The following MGAM variants were observed in gnomAD, a reference collection of about 807,000 sequenced individuals.
The protein encoded by MGAM is alpha-1,4-glucosidase.
Under a neutral mutation model 358.8 loss-of-function variants are expected in MGAM, and 253 were observed. The ratio of observed to expected loss-of-function variants is 0.71; its 90% CI spans 0.64 to 0.78. The LOEUF (loss-of-function observed/expected upper bound fraction) is 0.78. Ranked by LOEUF, MGAM falls within the 30% of genes least tolerant of loss-of-function variation. MGAM has a pLI of 0.00. For missense variants in MGAM, 3,080 were observed against 3,432.6 expected, an observed-to-expected ratio of 0.90 and a Z score of 2.57; for synonymous variants, 1,105 against 1,227.1, an observed-to-expected ratio of 0.90 and a Z score of 2.08.
intron 1 of MGAM, among the ~76,000 whole-genome samples, chr7:141,999,052 T>C (rs1804519773): frequency 6.6e-6 from 1 of 152,220 alleles, no homozygotes; most frequent in Admixed American, 6.5e-5. Context: ...TTATTGTCTC[T>C]TTTTTCTATT....
intron 13 of MGAM, 34 bp from the exon 14 acceptor site, chr7:142,032,791 T>C: frequency 1.5e-6 from 2 of 1,374,862 alleles, no homozygotes; most frequent in Non-Finnish European, 1.0e-6. Context: ...AACATGTTAC[T>C]TTTTCTTAAT....
At chr7:142,082,412 T>C in intron 51 of MGAM, 63 bp from the exon 52 acceptor site, 1 of 1,342,426 alleles carries the variant, frequency 7.4e-7, no homozygotes, top group South Asian at 1.3e-5. Context: ...ATATTTTTGT[T>C]GAGTTTCTTT....
In MGAM at chr7:142,094,264, A is replaced by G. The variant is rs139543489; in HGVS notation, c.7173-100A>G. 4.0e-3 allele frequency: 5,462 copies of G among 1,360,768 alleles called. 353 individuals carry two copies. The African/African-American group carries it at 0.064, about 16-fold the overall frequency. The allele number at this position is 1,360,768 out of a possible 1,614,324, so 84.3% of individuals were successfully genotyped here. On this transcript the variant is annotated intron_variant, in intron 60 of 70. Coordinates refer to ENST00000475668, the MANE Select transcript of MGAM (RefSeq NM_001365693.1). ...AGTCCCGTGTTCCCTCCAATCACGC[A>G]GCAAACATTGACTAGGCTCAAGGGC...
intron 7 of MGAM, among the ~76,000 whole-genome samples, chr7:142,024,565 C>G (rs1806779033): frequency 6.6e-6 from 1 of 152,172 alleles, no homozygotes; most frequent in Non-Finnish European, 1.5e-5. Flanking sequence ...ACAGCCATGT[C>G]TGCTTCTACC....
At position 142,032,813 on chromosome 7, in the gene MGAM, T is replaced by A. The variant is rs1554464291; in HGVS notation, c.1585-12T>A. 1 of 1,587,976 alleles carries A rather than the reference T, an allele frequency of 6.3e-7. No homozygotes were observed. Among genetic ancestry groups the A allele is most frequent in the African/African-American group, 1.4e-5 (1 of 73,964 alleles). ...TACTTTTTCTTAATAGTTTTTGCTC[T>A]TTGTCTTGTAGGATATGAATGAAGT... is the stretch of plus-strand genomic sequence containing the variant. On this transcript the variant is annotated splice_polypyrimidine_tract_variant and intron_variant, in intron 13 of 70. Transcript: ENST00000475668.
At chr7:142,010,444 G>T (rs1326952569) in intron 3 of MGAM, among the ~76,000 whole-genome samples, 1 of 151,916 alleles carries the variant, frequency 6.6e-6, no homozygotes, top group Non-Finnish European at 1.5e-5. Context: ...CAGAACTTCT[G>T]CTTGGCTCAT....
intron 3 of MGAM, among the ~76,000 whole-genome samples, chr7:142,011,148 T>A (rs1805562012): frequency 6.6e-6 from 1 of 152,174 alleles, no homozygotes; most frequent in Admixed American, 6.5e-5. Flanking sequence ...TTTCCAAGGA[T>A]AACAATAACA....
chr7:142,029,493 T>C (rs1807270326), intron 10 of MGAM, among the ~76,000 whole-genome samples: 1 of 152,168 alleles, frequency 6.6e-6, no homozygotes, highest in African/African-American at 2.4e-5. Context: ...TCCTTACTTA[T>C]AGATAGACAT....
Position 142,086,812 on chromosome 7 carries a change from C to T in MGAM, c.6810+95C>T, listed in dbSNP as rs182634723. On this transcript the variant is annotated intron_variant, in intron 57 of 70. Coordinates refer to ENST00000475668, the MANE Select transcript of MGAM (RefSeq NM_001365693.1). ...GACATGCCTGTACTGTGGACATGGG[C>T]TTGGCAAGGGAGAAACACTTAGGGC... is the stretch of plus-strand genomic sequence containing the variant. 56 of 597,168 alleles carry T rather than the reference C, an allele frequency of 9.4e-5. 13 individuals are homozygous for T. In the Middle Eastern group the frequency reaches 1.1e-3, roughly 12 times the overall value. 37.0% of individuals were successfully genotyped at this position (597,168 alleles called of 1,614,324 possible).
At position 142,040,731 on chromosome 7, in the gene MGAM, G is replaced by C; in HGVS notation, c.2383G>C (p.Val795Leu). The C allele has an allele frequency of 6.2e-7, 1 of 1,613,174 alleles. No homozygotes were observed. Among genetic ancestry groups the C allele is most frequent in the Non-Finnish European group, 8.5e-7 (1 of 1,179,508 alleles). ...TATCTGCATGCATCAGGGGAGCCAA[G>C]TGAGATGGAGGAAGCAAAAAGTCGA... ...VWYDYETGSQ[V>L]RWRKQKVEME... Residue 795 changes from valine to leucine, a missense_variant, in exon 21 of 71, where the codon GTG (valine) becomes CTG (leucine). Coordinates refer to ENST00000475668, the MANE Select transcript of MGAM (RefSeq NM_001365693.1).
chr7:142,022,584 T>TA, intron 7 of MGAM, 145 bp downstream of exon 7: 1 of 861,162 alleles, frequency 1.2e-6, no homozygotes, highest in South Asian at 2.1e-5. Context: ...ATTCACCAGT[T>TA]ACGTGGTTCT....
intron 1 of MGAM, among the ~76,000 whole-genome samples, chr7:142,000,938 A>T (rs1804684929): frequency 6.6e-6 from 1 of 152,226 alleles, no homozygotes; most frequent in Non-Finnish European, 1.5e-5. Flanking sequence ...TATTTTTATA[A>T]AAAGCAATCT....
chr7:142,098,691 C>T (rs1265055472), intron 66 of MGAM, among the ~76,000 whole-genome samples: 3 of 152,132 alleles, frequency 2.0e-5, no homozygotes, highest in Non-Finnish European at 4.4e-5. Flanking sequence ...AGGCGTTTCC[C>T]AGGAAGAGGT....
At position 142,025,167 on chromosome 7, in the gene MGAM, G is replaced by C. The variant is rs782617690; in HGVS notation, c.982+18G>C. 6.5e-7 allele frequency: 1 copy of C among 1,549,046 alleles called. No homozygotes were observed. The highest frequency in any genetic ancestry group is 8.9e-7 in the Non-Finnish European group (1 of 1,121,988). On this transcript the variant is annotated intron_variant, in intron 8 of 70. Coordinates refer to ENST00000475668, the MANE Select transcript of MGAM (RefSeq NM_001365693.1). Reference sequence around the variant, plus strand: ...TGCCATGGGTAAAGGAATATTCATGGAAAAAACAAGCACAAGAGTGATTTT... The same window carrying C: ...TGCCATGGGTAAAGGAATATTCATGCAAAAAACAAGCACAAGAGTGATTTT...
intron 1 of MGAM, among the ~76,000 whole-genome samples, chr7:142,000,490 A>ATTC (rs1804645159): frequency 6.6e-6 from 1 of 152,170 alleles, no homozygotes; most frequent in South Asian, 2.1e-4. Context: ...ATCTGTTGAA[A>ATTC]GTGAGTCACT....
chr7:142,038,710 A>T, intron 19 of MGAM, 95 bp downstream of exon 19: 7 of 851,876 alleles, frequency 8.2e-6, no homozygotes, highest in Non-Finnish European at 1.2e-5. Context: ...CTCACTTCTG[A>T]CATCTGTGAC....
Position 142,094,850 on chromosome 7 carries a change from C to T in MGAM, c.7445C>T (p.Thr2482Ile). 1 of 1,613,948 alleles carries T rather than the reference C, an allele frequency of 6.2e-7. No homozygotes were observed. Among genetic ancestry groups the T allele is most frequent in the Non-Finnish European group, 8.5e-7 (1 of 1,179,874 alleles). Residue 2482 changes from threonine (T) to isoleucine (I), a missense_variant, in exon 63 of 71, where the codon ACC becomes ATC. This residue lies in a region of MGAM where 932 missense variants were observed against 1,198.2 expected (regional missense o/e 0.78). Coordinates refer to ENST00000475668, the MANE Select transcript of MGAM (RefSeq NM_001365693.1). ...TACCCCTTCTCAAGAAACCACAACA[C>T]CATTGGGACCAGGGTAGGACAGTGG... ...AFYPFSRNHN[T>I]IGTRRQDPVS...
At position 142,083,382 on chromosome 7, in the gene MGAM, C is replaced by G; in HGVS notation, c.6350C>G (p.Thr2117Ser). 6.4e-7 allele frequency: 1 copy of G among 1,552,784 alleles called. No homozygotes were observed. Among genetic ancestry groups the G allele is most frequent in the Non-Finnish European group, 8.8e-7 (1 of 1,130,590 alleles). ...GACTTTTATGTGTTCTTGGGGCCAA[C>G]TCCAGAGCTTGTCACCCAGCAGTAC... ...VLDFYVFLGPTPELVTQQYTE... is the reference protein window; with the variant it reads ...VLDFYVFLGPSPELVTQQYTE... The change falls in exon 53 of 71, where the codon ACT becomes AGT. Residue 2117 changes from threonine to serine, a missense_variant. Physicochemically the swap from Thr to Ser is moderately conservative, Grantham distance 58. Transcript: ENST00000475668.
At position 142,047,787 on chromosome 7, in the gene MGAM, G is replaced by A. The variant is rs778528944; in HGVS notation, c.2501G>A (p.Arg834Gln). The A allele has an allele frequency of 3.7e-6, 6 of 1,611,786 alleles. No homozygotes were observed. Among genetic ancestry groups the A allele is most frequent in the African/African-American group, 1.3e-5 (1 of 74,854 alleles). ...QQPNTTTLAS[R>Q]KNPLGLIIAL... ...GTCTTGAATCTTGTTCCCCACAGTC[G>A]AAAGAACCCTCTTGGTCTTATCATT... The change falls in exon 22 of 71, where the codon CGA (arginine) becomes CAA (glutamine). Residue 834 changes from arginine to glutamine, a missense_variant and splice_region_variant. Coordinates refer to ENST00000475668, the MANE Select transcript of MGAM (RefSeq NM_001365693.1).
Sources: gnomAD v4.1 joint callset for allele counts (sites outside exome capture counted in the v4.1 genomes callset) on GRCh38, gnomAD v4.1.1 for gene constraint, gnomAD v4.1.1 regional missense constraint, MANE v1.5 for transcripts, NCBI Gene and HGNC (gene_info 2026-07-23, HGNC 2026-07-21) for gene names.